SCNN1A: variants seen among roughly 807,000 people sequenced by gnomAD.
SCNN1A encodes epithelial sodium channel subunit alpha.
SCNN1A carries 65 observed loss-of-function variants against 68.6 expected under a neutral mutation model. The ratio of observed to expected loss-of-function variants is 0.95; its 90% CI spans 0.78 to 1.16. SCNN1A has a LOEUF of 1.16. Ranked by LOEUF, SCNN1A falls within the 50% of genes most tolerant of loss-of-function variation. The pLI, the probability that SCNN1A is intolerant of heterozygous loss-of-function variation, is 0.00. For missense variants in SCNN1A, 880 were observed against 865.9 expected (o/e 1.02, Z -0.20); for synonymous variants, 357 against 353.3 (o/e 1.01, Z -0.12).
chr12:6,347,868 C>G lies in SCNN1A; in HGVS notation c.*5G>C, dbSNP rs913130129. On this transcript the variant is annotated 3_prime_UTR_variant, in exon 13 of 13. Transcript: ENST00000228916. ...GCCTTGGTGTGAGAAACCTCTCCTT[C>G]CCTCTCAGGGCCCCCCCAGAGGACA... 4 of 1,599,738 alleles carry G rather than the reference C, an allele frequency of 2.5e-6. No individual in the cohort carries two copies. Among genetic ancestry groups the G allele is most frequent in the Non-Finnish European group, 3.4e-6 (4 of 1,173,026 alleles).
At chr12:6,357,964 C>T (rs2136873369) in intron 4 of SCNN1A, among the ~76,000 whole-genome samples, 1 of 152,148 alleles carries the variant, frequency 6.6e-6, no homozygotes, top group Non-Finnish European at 1.5e-5. Flanking sequence ...CGCCATTGCA[C>T]TCCAGCCTGG....
At position 6,362,032 on chromosome 12, in the gene SCNN1A, C is replaced by T. The variant is rs1000885973; in HGVS notation, c.875+19G>A. 6.2e-7 allele frequency: 1 copy of T among 1,613,412 alleles called. No individual in the cohort carries two copies. Among genetic ancestry groups the T allele is most frequent in the South Asian group, 1.1e-5 (1 of 91,064 alleles). The stretch of plus-strand genomic sequence containing the variant: ...AGCGGACCCCGCGGAGAGCAAGGAG[C>T]CAGGCAGGACTGACTCACGCCTGGT... On this transcript the variant is annotated intron_variant, in intron 4 of 12. Coordinates refer to ENST00000228916, the MANE Select transcript of SCNN1A (RefSeq NM_001038.6).
chr12:6,371,526 GGGGGCGGGGGGT>G (rs1297354643), intron 2 of SCNN1A, among the ~76,000 whole-genome samples: 1 of 134,714 alleles, frequency 7.4e-6, no homozygotes, highest in Admixed American at 7.4e-5. Context: ...AGCGTGGCGG[GGGGGCGGGGGGT>G]GGGGGTGAGG....
chr12:6,364,081 G>C, intron 2 of SCNN1A: 1 of 177,704 alleles, frequency 5.6e-6, no homozygotes, highest in Non-Finnish European at 1.2e-5. Context: ...GCGTGACCGC[G>C]GTACCCAGGT....
At chr12:6,350,719 C>A (rs529965124) in intron 8 of SCNN1A, among the ~76,000 whole-genome samples, 1 of 152,094 alleles carries the variant, frequency 6.6e-6, no homozygotes, top group South Asian at 2.1e-4. Flanking sequence ...CACCTGTAAT[C>A]CCAGCTACTT....
chr12:6,348,013 G>A lies in SCNN1A; in HGVS notation c.1870C>T (p.Leu624=), dbSNP rs1442229808. 26 of 1,592,996 alleles carry A rather than the reference G, an allele frequency of 1.6e-5. 1 individual carries two copies. The highest frequency in any genetic ancestry group is 2.1e-5 in the Non-Finnish European group (24 of 1,169,368). ...PSHFCPHPMS[L]SLSQPGPAPS... Reference sequence around the variant, plus strand: ...GCAGGGCCTGGCTGGGACAAGGACAGAGACATGGGGTGGGGGCAGAAGTGG... The same window carrying A: ...GCAGGGCCTGGCTGGGACAAGGACAAAGACATGGGGTGGGGGCAGAAGTGG... Residue 624 remains leucine, a synonymous_variant, in exon 13 of 13, where the codon CTG becomes TTG. Transcript: ENST00000228916.
At chr12:6,364,938 T>C (rs1330785865) in intron 2 of SCNN1A, among the ~76,000 whole-genome samples, 1 of 151,474 alleles carries the variant, frequency 6.6e-6, no homozygotes, top group Non-Finnish European at 1.5e-5. Context: ...AAAAATATAT[T>C]GAAATCCCTG....
Position 6,354,829 on chromosome 12 carries a change from C to A in SCNN1A, c.1163G>T (p.Gly388Val). 1 of 1,613,956 alleles carries A rather than the reference C, an allele frequency of 6.2e-7. No individual in the cohort carries two copies. The highest frequency in any genetic ancestry group is 8.5e-7 in the Non-Finnish European group (1 of 1,179,934). Reference sequence around the variant, plus strand: ...CTTGGTGCAGTCGCCATAATCGCCCCCAAGTCTGTCCAGGGTTTCCTATGA... The same window carrying A: ...CTTGGTGCAGTCGCCATAATCGCCCACAAGTCTGTCCAGGGTTTCCTATGA... ...SMRKETLDRL[G>V]GDYGDCTKNG... Residue 388 changes from glycine (G) to valine (V), a missense_variant, in exon 7 of 13, where the codon GGG (glycine) becomes GTG (valine). Physicochemically the swap from Gly to Val is moderately radical, Grantham distance 109. Around this residue, in one of 3 missense-constraint regions of SCNN1A, gnomAD observed 758 missense variants for 721.8 expected, o/e 1.05. Coordinates refer to ENST00000228916, the MANE Select transcript of SCNN1A (RefSeq NM_001038.6).
At chr12:6,369,210 C>G (rs181222211) in intron 2 of SCNN1A, among the ~76,000 whole-genome samples, 1 of 152,042 alleles carries the variant, frequency 6.6e-6, no homozygotes, top group African/African-American at 2.4e-5. Flanking sequence ...ACACTCCTCT[C>G]CCCTGGGGAG....
chr12:6,359,496 G>T (rs923047773), intron 4 of SCNN1A, among the ~76,000 whole-genome samples: 5 of 152,196 alleles, frequency 3.3e-5, no homozygotes, highest in Non-Finnish European at 7.3e-5. Flanking sequence ...TTGGGTCACA[G>T]GGGTGGGTCC....
chr12:6,375,570 A>C, upstream of SCNN1A: 1 of 1,528,820 alleles, frequency 6.5e-7, no homozygotes, highest in Non-Finnish European at 8.8e-7. Context: ...AAGCGACAGG[A>C]ATCTCATTAG....
At position 6,374,527 on chromosome 12, in the gene SCNN1A, A is replaced by C; in HGVS notation, c.257T>G (p.Phe86Cys). 1 of 1,614,184 alleles carries C rather than the reference A, an allele frequency of 6.2e-7. No individual in the cohort carries two copies. Among genetic ancestry groups the C allele is most frequent in the Non-Finnish European group, 8.5e-7 (1 of 1,180,018 alleles). Residue 86 changes from phenylalanine (F) to cysteine (C), a missense_variant, in exon 2 of 13, where the codon TTC becomes TGC. Coordinates refer to ENST00000228916, the MANE Select transcript of SCNN1A (RefSeq NM_001038.6). The surrounding 1 kb of genome is among the most constrained non-coding windows in gnomAD (Gnocchi z 6.2). ...CSQHNRMKTA[F>C]WAVLWLCTFG... is the part of the protein sequence containing the mutation. ...GGTGCAGAGCCACAGCACTGCCCAG[A>C]AGGCCGTCTTCATGCGGTTGTGCTG...
chr12:6,353,558 G>C (rs1458341465), intron 8 of SCNN1A, among the ~76,000 whole-genome samples: 1 of 151,662 alleles, frequency 6.6e-6, no homozygotes, highest in African/African-American at 2.4e-5. Flanking sequence ...TCTGCTGCAG[G>C]TTGTTTTTAT....
At chr12:6,364,381 G>A (rs1464151814) in intron 2 of SCNN1A, among the ~76,000 whole-genome samples, 1 of 152,128 alleles carries the variant, frequency 6.6e-6, no homozygotes, top group African/African-American at 2.4e-5. Context: ...CCTGAGGGAT[G>A]TCATCTACCA....
At chr12:6,369,546 G>A (rs554713986) in intron 2 of SCNN1A, among the ~76,000 whole-genome samples, 9 of 152,254 alleles carry the variant, frequency 5.9e-5, no homozygotes, top group Admixed American at 1.3e-4. Flanking sequence ...AAGATAAGAC[G>A]GAATGGCCGG....
At chr12:6,360,889 G>A (rs1380476123) in intron 4 of SCNN1A, among the ~76,000 whole-genome samples, 1 of 152,234 alleles carries the variant, frequency 6.6e-6, no homozygotes, top group Admixed American at 6.5e-5. Context: ...TACCCGAGGG[G>A]TAGTGGGGTG....
chr12:6,370,173 T>C (rs1421857906), intron 2 of SCNN1A, among the ~76,000 whole-genome samples: 1 of 152,196 alleles, frequency 6.6e-6, no homozygotes, highest in Non-Finnish European at 1.5e-5. Flanking sequence ...GCAGGCATTA[T>C]TATCCCCATT....
chr12:6,368,675 A>G (rs952025645), intron 2 of SCNN1A, among the ~76,000 whole-genome samples: 5 of 152,190 alleles, frequency 3.3e-5, no homozygotes, highest in East Asian at 1.9e-4. Context: ...TGGGTCAGAC[A>G]GCACTCCAAC....
At chr12:6,355,133 C>A in intron 6 of SCNN1A, 139 bp downstream of exon 6, 1 of 975,858 alleles carries the variant, frequency 1.0e-6, no homozygotes, top group Non-Finnish European at 1.6e-6. Context: ...AGCCCCTCTG[C>A]CCCTCATTCC....
Sources: allele counts gnomAD v4.1 joint callset (sites outside exome capture counted in the v4.1 genomes callset), GRCh38; gene constraint gnomAD v4.1.1; regional missense constraint gnomAD v4.1.1; non-coding constraint Gnocchi (gnomAD v3.1); transcripts MANE v1.5; gene names NCBI Gene and HGNC (gene_info 2026-07-23, HGNC 2026-07-21).